Variants in EGF observed in about 807,000 individuals in gnomAD.
The protein encoded by EGF is pro-epidermal growth factor.
Under a neutral mutation model 143.8 loss-of-function variants are expected in EGF, and 95 were observed. The ratio of observed to expected loss-of-function variants is 0.66; its 90% CI spans 0.56 to 0.78. EGF has a LOEUF of 0.78. Ranked by LOEUF, EGF falls within the 30% of genes least tolerant of loss-of-function variation. The probability of loss-of-function intolerance (pLI) is 0.00; values close to 1 mark genes in which losing one functional copy is unlikely to be tolerated. For missense variants in EGF, 1,320 were observed against 1,470.9 expected (o/e 0.90, Z 1.68); for synonymous variants, 510 against 510.5 (o/e 1.00, Z 0.01).
At chr4:109,959,478 T>C (rs747451818) in intron 6 of EGF, 41 bp downstream of exon 6, 1 of 1,611,610 alleles carries the variant, frequency 6.2e-7, no homozygotes, top group Non-Finnish European at 8.5e-7. Context: ...GAAGAGTCGC[T>C]GCTTGAGGGG....
At position 109,934,339 on chromosome 4, in the gene EGF, G is replaced by A. The variant is rs974103985; in HGVS notation, c.128-6607G>A. Among the ~76,000 whole-genome samples, 4 of 152,190 alleles carry A rather than the reference G, an allele frequency of 2.6e-5. No homozygotes were observed. In the South Asian group the frequency reaches 8.3e-4, roughly 32 times the overall value. On this transcript the variant is annotated intron_variant, in intron 1 of 23. Transcript: ENST00000265171. ...TGTCATCTGCAAACAGAGACAATTT[G>A]ACACATACATAAATGTGGTCTCTTA...
In EGF at chr4:110,011,364, G is replaced by T; in HGVS notation, c.3533G>T (p.Gly1178Val). Reference protein sequence around the residue: ...PSYGTQTLEGGVEKPHSLLSA... With the variant: ...PSYGTQTLEGVVEKPHSLLSA... ...TATGGGACACAGACCCTTGAAGGGGGTGTCGAGAAGCCCCATTCTCTCCTA... is the reference window on the plus strand; with the variant it reads ...TATGGGACACAGACCCTTGAAGGGGTTGTCGAGAAGCCCCATTCTCTCCTA... Residue 1178 changes from glycine to valine, a missense_variant, in exon 24 of 24, where the codon GGT becomes GTT. By Grantham distance (109) the Gly-to-Val change is moderately radical (BLOSUM62 -3). Transcript: ENST00000265171. 1 of 1,614,124 alleles carries T rather than the reference G, an allele frequency of 6.2e-7. No individual in the cohort carries two copies. The highest frequency in any genetic ancestry group is 1.3e-5 in the African/African-American group (1 of 75,020).
chr4:109,914,045 C>A (rs1560614805), intron 1 of EGF, among the ~76,000 whole-genome samples: 1 of 152,132 alleles, frequency 6.6e-6, no homozygotes, highest in African/African-American at 2.4e-5. Context: ...AGGTGCATTG[C>A]AACTTTAAGA....
At chr4:109,993,047 G>C (rs1751247260) in intron 18 of EGF, among the ~76,000 whole-genome samples, 200 bp from the exon 19 acceptor site, 1 of 151,904 alleles carries the variant, frequency 6.6e-6, no homozygotes, top group Admixed American at 6.6e-5. Context: ...GTATACATAT[G>C]TAACAAACCT....
chr4:109,983,554 A>T lies in EGF; in HGVS notation c.2491+13A>T. On this transcript the variant is annotated intron_variant, in intron 16 of 23. Coordinates refer to ENST00000265171, the MANE Select transcript of EGF (RefSeq NM_001963.6). ...ATCATGGTGTCAGGTATGAATAACT[A>T]GTTCTCCAATATACCTTTGGTTCCA... 1 of 1,613,432 alleles carries T rather than the reference A, an allele frequency of 6.2e-7. No individual in the cohort carries two copies. Among genetic ancestry groups the T allele is most frequent in the Middle Eastern group, 1.7e-4 (1 of 6,054 alleles).
rs535881159 is a variant in EGF, at chr4:109,913,005, C to T, written c.-331C>T. 3.2e-4 allele frequency: 106 copies of T among 328,940 alleles called. 1 individual carries two copies. Among genetic ancestry groups the T allele is most frequent in the South Asian group, 2.9e-3 (104 of 35,512 alleles). 20.4% of individuals were successfully genotyped at this position (328,940 alleles called of 1,614,324 possible). ...TTTCTTTTTCCTCTCTAAGCCTTTG[C>T]CTTGCTCTGTCACAGTGAAGTCAGC... On this transcript the variant is annotated 5_prime_UTR_variant, in exon 1 of 24. Transcript: ENST00000265171.
intron 1 of EGF, among the ~76,000 whole-genome samples, chr4:109,933,928 G>A (rs970887854): frequency 1.3e-5 from 2 of 152,110 alleles, no homozygotes; most frequent in African/African-American, 2.4e-5. Flanking sequence ...AATCCTTTGG[G>A]TATATATCCA....
intron 23 of EGF, among the ~76,000 whole-genome samples, chr4:110,010,275 C>CA (rs1753830898): frequency 1.3e-5 from 2 of 151,780 alleles, no homozygotes; most frequent in African/African-American, 4.8e-5. Context: ...ATCTCAAAAA[C>CA]AAAAAACAAA....
intron 16 of EGF, among the ~76,000 whole-genome samples, chr4:109,984,762 C>T (rs1749893482): frequency 6.6e-6 from 1 of 152,168 alleles, no homozygotes; most frequent in African/African-American, 2.4e-5. Flanking sequence ...AGACTGAGAT[C>T]TATTAAGTTA....
intron 10 of EGF, among the ~76,000 whole-genome samples, chr4:109,967,699 C>T (rs11568970): frequency 0.019 from 2,853 of 152,150 alleles, 87 homozygotes; most frequent in African/African-American, 0.064. Flanking sequence ...AAAAGAACTT[C>T]GCATTGGCAA....
chr4:110,008,681 G>A (rs1198439439), intron 23 of EGF, among the ~76,000 whole-genome samples: 1 of 152,192 alleles, frequency 6.6e-6, no homozygotes, highest in East Asian at 1.9e-4. Flanking sequence ...GGGGATTTCA[G>A]AGTATTCAGG....
intron 17 of EGF, 143 bp downstream of exon 17, chr4:109,988,003 ATTGAATGACATGCATAG>A: frequency 1.5e-6 from 1 of 688,220 alleles, no homozygotes; most frequent in Non-Finnish European, 2.6e-6. Flanking sequence ...AAAAAAAAAA[ATTGAATGACATGCATAG>A]AAAATGAGAC....
intron 18 of EGF, among the ~76,000 whole-genome samples, chr4:109,989,528 A>G (rs1472980386): frequency 6.6e-6 from 1 of 152,214 alleles, no homozygotes; most frequent in African/African-American, 2.4e-5. Context: ...AAGATGAAAT[A>G]TCAATCATAA....
chr4:109,922,352 C>T (rs1737951412), intron 1 of EGF, among the ~76,000 whole-genome samples: 1 of 151,448 alleles, frequency 6.6e-6, no homozygotes, highest in African/African-American at 2.5e-5. Flanking sequence ...GGATTTCAAT[C>T]CATTAAAAAG....
At chr4:109,927,640 C>A (rs963345157) in intron 1 of EGF, among the ~76,000 whole-genome samples, 1 of 150,466 alleles carries the variant, frequency 6.6e-6, no homozygotes, top group African/African-American at 2.5e-5. Context: ...AGGAGAATAG[C>A]GCGAACCCGG....
chr4:109,968,707 T>TCTATCTATCTACCTAC (rs139653683), intron 10 of EGF: 9 of 351,484 alleles, frequency 2.6e-5, no homozygotes, highest in African/African-American at 7.3e-5. Flanking sequence ...TATCTATCTA[T>TCTATCTATCTACCTAC]CTACCTACCT....
At chr4:109,964,982 T>C (rs1746314864) in intron 10 of EGF, among the ~76,000 whole-genome samples, 1 of 152,144 alleles carries the variant, frequency 6.6e-6, no homozygotes, top group Admixed American at 6.6e-5. Context: ...GGAGATTCAA[T>C]GACCTCTTAA....
At chr4:109,921,508 A>G (rs1737780220) in intron 1 of EGF, among the ~76,000 whole-genome samples, 1 of 151,534 alleles carries the variant, frequency 6.6e-6, no homozygotes, top group South Asian at 2.1e-4. Context: ...GAGCCAGCCA[A>G]CTGCTGTGAC....
At chr4:109,947,273 G>A (rs1743023487) in intron 5 of EGF, among the ~76,000 whole-genome samples, 1 of 152,048 alleles carries the variant, frequency 6.6e-6, no homozygotes, top group Non-Finnish European at 1.5e-5. Context: ...TCACCTTTAT[G>A]TAAAAGTTTT....
Sources: gnomAD v4.1 joint callset for allele counts (sites outside exome capture counted in the v4.1 genomes callset) on GRCh38, gnomAD v4.1.1 for gene constraint, MANE v1.5 for transcripts, NCBI Gene and HGNC (gene_info 2026-07-23, HGNC 2026-07-21) for gene names.